The following DENND4C variants were observed in gnomAD, a reference collection of about 807,000 sequenced individuals.
DENND4C encodes the protein DENN domain-containing protein 4C.
In DENND4C, 108 loss-of-function variants were observed where a neutral mutation model predicts 203.0. The observed-to-expected ratio is 0.53, with a 90% CI of 0.46 to 0.62. The LOEUF is 0.62. Ranked by LOEUF, DENND4C falls within the 20% of genes least tolerant of loss-of-function variation. The probability of loss-of-function intolerance (pLI) is 0.00; values close to 1 mark genes in which losing one functional copy is unlikely to be tolerated. For synonymous variants in DENND4C, 871 were observed against 792.4 expected (o/e 1.10, Z -1.67); for missense variants, 2,481 against 2,301.2 (o/e 1.08, Z -1.60).
At chr9:19,366,135 T>TTA (rs1407355426) in intron 30 of DENND4C, among the ~76,000 whole-genome samples, 1 of 152,176 alleles carries the variant, frequency 6.6e-6, no homozygotes, top group Non-Finnish European at 1.5e-5. Flanking sequence ...AAGAACAGTG[T>TTA]TATAGGACTC....
At chr9:19,342,179 C>A in intron 21 of DENND4C, among the ~76,000 whole-genome samples, 1 of 146,052 alleles carries the variant, frequency 6.8e-6, no homozygotes. Flanking sequence ...TTTTATAGGA[C>A]TCATTAAGGC....
chr9:19,327,748 C>A (rs952596604), intron 15 of DENND4C, among the ~76,000 whole-genome samples: 9 of 151,818 alleles, frequency 5.9e-5, no homozygotes, highest in African/African-American at 2.2e-4. Flanking sequence ...CATGGATTAT[C>A]TTGAAAGAGT....
In DENND4C at chr9:19,346,015, AG is replaced by A; in HGVS notation, c.3247del (p.Glu1083LysfsTer39). 1.2e-6 allele frequency: 2 copies of A among 1,614,138 alleles called. No individual in the cohort carries two copies. The highest frequency in any genetic ancestry group is 2.2e-5 in the South Asian group (2 of 91,078). On this transcript the variant is annotated frameshift_variant, in exon 23 of 33. Transcript: ENST00000434457. LOFTEE classifies it high-confidence loss of function. ...TNLKKNGDRG[E>X]KRQKHFPERS... ...ATCTCAAGAAGAATGGTGATAGAGG[AG>A]AAAAAAGACAAAAGCATTTTCCTGA...
intron 31 of DENND4C, 141 bp from the exon 32 acceptor site, chr9:19,371,615 G>A (rs1223542094): frequency 3.9e-6 from 2 of 510,412 alleles, no homozygotes; most frequent in Non-Finnish European, 7.1e-6. Context: ...TAACTGTAAT[G>A]TAATATTAAA....
rs1165191635 is a variant in DENND4C at position 19,256,309 on chromosome 9, GTTTTTTTTTTTTT to G, written c.-17-19844_-17-19832del. Among the ~76,000 whole-genome samples the G allele has an allele frequency of 3.2e-3, 271 of 84,894 alleles. 7 individuals carry two copies. The East Asian group carries it at 0.075, about 24-fold the overall frequency. The allele number at this position is 84,894 out of a possible 152,430, so 55.7% of individuals were successfully genotyped here. ...TTTTTTCTTTTCTGTTTTTTTTTTT[GTTTTTTTTTTTTT>G]TTTTGAGATGGAGTTTCGCTCTTGT... On this transcript the variant is annotated intron_variant, in intron 1 of 32. Coordinates refer to ENST00000434457, the MANE Select transcript of DENND4C (RefSeq NM_001330640.2).
At chr9:19,289,458 A>G (rs1835839658) in intron 4 of DENND4C, among the ~76,000 whole-genome samples, 1 of 152,210 alleles carries the variant, frequency 6.6e-6, no homozygotes, top group Admixed American at 6.5e-5. Flanking sequence ...CATTCATACT[A>G]ATGAACCAAA....
chr9:19,316,841 T>G lies in DENND4C; in HGVS notation c.1807+2T>G. The stretch of plus-strand genomic sequence containing the variant: ...CTGATTCATTGTTTGACCGACAGGG[T>G]GAGTAGCATTGAAAGTACAATTCCT... On this transcript the variant is annotated splice_donor_variant, in intron 12 of 32. Coordinates refer to ENST00000434457, the MANE Select transcript of DENND4C (RefSeq NM_001330640.2). LOFTEE classifies it high-confidence loss of function. 1.9e-6 allele frequency: 3 copies of G among 1,605,240 alleles called. No homozygotes were observed. Among genetic ancestry groups the G allele is most frequent in the Non-Finnish European group, 2.5e-6 (3 of 1,177,070 alleles).
At chr9:19,314,774 C>G (rs953560093) in intron 10 of DENND4C, among the ~76,000 whole-genome samples, 18 of 152,216 alleles carry the variant, frequency 1.2e-4, no homozygotes, top group Admixed American at 3.9e-4. Flanking sequence ...AAGCTGGAAT[C>G]TCTGCCCTTT....
At chr9:19,239,829 A>G (rs1260835842) in intron 1 of DENND4C, among the ~76,000 whole-genome samples, 3 of 152,150 alleles carry the variant, frequency 2.0e-5, no homozygotes, top group Admixed American at 6.6e-5. Context: ...TTTACGGTCC[A>G]GCATATGGTT....
In DENND4C at chr9:19,328,173, C is replaced by G. The variant is rs1563807873; in HGVS notation, c.2253+11C>G. 6.3e-7 allele frequency: 1 copy of G among 1,597,010 alleles called. No homozygotes were observed. The highest frequency in any genetic ancestry group is 2.2e-5 in the East Asian group (1 of 44,588). On this transcript the variant is annotated intron_variant, in intron 16 of 32. Transcript: ENST00000434457. ...AAGAGAACTAAACAGGTCAGATATT[C>G]TTTATCTAATACATGTTCATTTAAG...
At chr9:19,323,651 A>T (rs1182456357) in intron 12 of DENND4C, among the ~76,000 whole-genome samples, 2 of 152,202 alleles carry the variant, frequency 1.3e-5, no homozygotes, top group African/African-American at 4.8e-5. Context: ...AATGAGCAGA[A>T]ATTTTAAAAA....
chr9:19,252,652 T>C (rs552609157), intron 1 of DENND4C, among the ~76,000 whole-genome samples: 54 of 152,254 alleles, frequency 3.5e-4, no homozygotes, highest in Admixed American at 7.9e-4. Context: ...GTTTGATAGC[T>C]TCATTGGCTC....
intron 2 of DENND4C, among the ~76,000 whole-genome samples, chr9:19,286,518 A>G (rs931061712): frequency 6.6e-6 from 1 of 152,086 alleles, no homozygotes; most frequent in Non-Finnish European, 1.5e-5. Flanking sequence ...AAGTTGTTCA[A>G]TCCTGTTTAC....
intron 1 of DENND4C, among the ~76,000 whole-genome samples, chr9:19,250,088 A>T (rs889134790): frequency 1.3e-5 from 2 of 152,190 alleles, no homozygotes; most frequent in African/African-American, 4.8e-5. Context: ...GCATGAGGCC[A>T]GGAGTTTGAG....
chr9:19,261,630 G>A (rs190316906), intron 1 of DENND4C, among the ~76,000 whole-genome samples: 13 of 151,402 alleles, frequency 8.6e-5, no homozygotes, highest in Non-Finnish European at 1.8e-4. Context: ...AGCCTCCTCA[G>A]TACCTGAGGA....
At position 19,290,829 on chromosome 9, in the gene DENND4C, C is replaced by T. The variant is rs766695908; in HGVS notation, c.754C>T (p.Leu252Phe). 2 of 1,613,676 alleles carry T rather than the reference C, an allele frequency of 1.2e-6. No homozygotes were observed. The highest frequency in any genetic ancestry group is 1.7e-6 in the Non-Finnish European group (2 of 1,179,772). Residue 252 changes from leucine (L) to phenylalanine (F), a missense_variant, in exon 5 of 33, where the codon CTT (leucine) becomes TTT (phenylalanine). By Grantham distance (22) the Leu-to-Phe change is conservative (BLOSUM62 0). Coordinates refer to ENST00000434457, the MANE Select transcript of DENND4C (RefSeq NM_001330640.2). The stretch of plus-strand genomic sequence containing the variant: ...CTGGGATCCTGAAACCAAATATCCA[C>T]TTCCAGTTTTTTCAACTTTTGTCTT... Reference protein sequence around the residue: ...ECWDPETKYPLPVFSTFVLTG... With the variant: ...ECWDPETKYPFPVFSTFVLTG...
At chr9:19,242,214 A>G (rs1030667101) in intron 1 of DENND4C, among the ~76,000 whole-genome samples, 4 of 152,296 alleles carry the variant, frequency 2.6e-5, no homozygotes, top group South Asian at 4.1e-4. Flanking sequence ...ACTTAGCAAT[A>G]TACATTTAAG....
chr9:19,319,764 A>G (rs997666305), intron 12 of DENND4C, among the ~76,000 whole-genome samples: 1 of 152,136 alleles, frequency 6.6e-6, no homozygotes, highest in Non-Finnish European at 1.5e-5. Flanking sequence ...AAAAAATGTA[A>G]TACTAACTAT....
Position 19,288,677 on chromosome 9 carries a change from A to T in DENND4C, c.628+12A>T. On this transcript the variant is annotated intron_variant, in intron 4 of 32. Coordinates refer to ENST00000434457, the MANE Select transcript of DENND4C (RefSeq NM_001330640.2). The stretch of plus-strand genomic sequence containing the variant: ...AGCATATAAGGCTGGTAAGTGAGTT[A>T]AAAAAAATTGTCTCAATTGCTATAG... 1 of 1,214,728 alleles carries T rather than the reference A, an allele frequency of 8.2e-7. No homozygotes were observed. The allele number at this position is 1,214,728 out of a possible 1,614,324, so 75.2% of individuals were successfully genotyped here. A position where few individuals can be genotyped will look rare whatever the true frequency, so the allele number is the denominator to read the frequency against.
Sources: allele counts gnomAD v4.1 joint callset (sites outside exome capture counted in the v4.1 genomes callset), GRCh38; gene constraint gnomAD v4.1.1; transcripts MANE v1.5; gene names NCBI Gene and HGNC (gene_info 2026-07-23, HGNC 2026-07-21).